Variants in NCOR2 observed in about 807,000 individuals in gnomAD.
The protein encoded by NCOR2 is nuclear receptor corepressor 2, also known as CTG repeat protein 26.
In NCOR2, 81 loss-of-function variants were observed where a neutral mutation model predicts 262.9. The observed-to-expected ratio is 0.31, with a 90% CI of 0.26 to 0.37. The LOEUF is 0.37. Among genes scored for constraint, NCOR2 ranks in the 10% least tolerant of loss-of-function variants. The pLI, the probability that NCOR2 is intolerant of heterozygous loss-of-function variation, is 1.00. For missense variants in NCOR2, 3,385 were observed against 3,621.4 expected, an observed-to-expected ratio of 0.93 and a Z score of 1.68; for synonymous variants, 1,659 against 1,559.3, an observed-to-expected ratio of 1.06 and a Z score of -1.51.
At chr12:124,486,728 C>T (rs528010651) in intron 1 of NCOR2, among the ~76,000 whole-genome samples, 160 bp from the exon 4 acceptor site, 1 of 152,352 alleles carries the variant, frequency 6.6e-6, no homozygotes, top group East Asian at 1.9e-4. Context: ...ACCGTCTGGC[C>T]AGAGGCTACC....
chr12:124,327,459 A>G (rs913895817), exon 45 of NCOR2: 1 of 1,613,170 alleles, frequency 6.2e-7, no homozygotes, highest in Non-Finnish European at 8.5e-7. Flanking sequence ...GGTTATGGGC[A>G]TAGCAGCGGG....
chr12:124,510,883 C>T (rs1009154447), intron 1 of NCOR2, among the ~76,000 whole-genome samples: 7 of 152,176 alleles, frequency 4.6e-5, no homozygotes, highest in Admixed American at 3.3e-4. Flanking sequence ...ACCTCCCTCA[C>T]GGCCCAGCTC....
intron 3 of NCOR2, among the ~76,000 whole-genome samples, chr12:124,479,781 G>A (rs1202792833): frequency 6.6e-6 from 1 of 152,256 alleles, no homozygotes; most frequent in African/African-American, 2.4e-5. Context: ...CCCCACCAGG[G>A]AGACCAGAGG....
chr12:124,325,158 T>G, exon 47 of NCOR2: 1 of 169,926 alleles, frequency 5.9e-6, no homozygotes, highest in Non-Finnish European at 1.2e-5. Context: ...TTCCCCTCCC[T>G]TCCCGAGCAC....
chr12:124,333,202 A>G lies in NCOR2; in HGVS notation c.6683T>C (p.Met2228Thr), dbSNP rs912699519. 5 of 1,613,034 alleles carry G rather than the reference A, an allele frequency of 3.1e-6. No homozygotes were observed. The highest frequency in any genetic ancestry group is 3.3e-4 in the Middle Eastern group (2 of 6,080). The change falls in exon 42 of 47, where the codon ATG (methionine) becomes ACG (threonine). Residue 2228 changes from methionine to threonine, a missense_variant. Transcript: ENST00000405201. ...ACTCCGGGAGTGCCCTGGCTCCGTC[A>G]TGCCCTCCGGTGGGGACACAGGTTC...
Position 124,566,582 on chromosome 12 carries a change from G to A in NCOR2, c.-165+726C>T, listed in dbSNP as rs753284566. On this transcript the variant is annotated intron_variant, in intron 1 of 32. Transcript: ENST00000458234. This position sits in a 1 kb window ranked among gnomAD's most constrained non-coding sequence, Gnocchi z 4.3. ...TCTGGGTCTTCCCAGTCGTGCCCAA[G>A]TGGGATCAGCTCTGAATTCCAACTT... Among the ~76,000 whole-genome samples, 3 of 152,262 alleles carry A rather than the reference G, an allele frequency of 2.0e-5. No individual in the cohort carries two copies. The highest frequency in any genetic ancestry group is 2.1e-4 in the South Asian group (1 of 4,834).
chr12:124,356,112 C>T (rs948851534), intron 23 of NCOR2, among the ~76,000 whole-genome samples: 2 of 152,216 alleles, frequency 1.3e-5, no homozygotes, highest in Non-Finnish European at 2.9e-5. Flanking sequence ...TGGGCTTTTG[C>T]ACTTGCTGTT....
chr12:124,394,498 AAAAAGGATGTTTG>A (rs549905783), intron 16 of NCOR2, among the ~76,000 whole-genome samples: 10 of 152,250 alleles, frequency 6.6e-5, no homozygotes, highest in Non-Finnish European at 1.5e-4. Context: ...CCTTATTTGG[AAAAAGGATGTTTG>A]CAGATGTGAT....
chr12:124,338,899 C>G (rs2036135046), intron 37 of NCOR2, among the ~76,000 whole-genome samples: 1 of 150,482 alleles, frequency 6.6e-6, no homozygotes, highest in African/African-American at 2.4e-5. Flanking sequence ...CTAACCCTAC[C>G]ACCCACCCAT....
chr12:124,384,645 C>A (rs1204567687), intron 17 of NCOR2, among the ~76,000 whole-genome samples: 6 of 152,194 alleles, frequency 3.9e-5, no homozygotes, highest in Non-Finnish European at 8.8e-5. Context: ...CAGGGGGAGG[C>A]TATACCTGGT....
chr12:124,446,167 T>C (rs1427874300), intron 7 of NCOR2, among the ~76,000 whole-genome samples: 2 of 152,174 alleles, frequency 1.3e-5, no homozygotes, highest in African/African-American at 4.8e-5. Flanking sequence ...GGCAGCTTCC[T>C]GGGCACTGCA....
At chr12:124,394,018 C>T (rs1158706131) in intron 16 of NCOR2, among the ~76,000 whole-genome samples, 1 of 152,250 alleles carries the variant, frequency 6.6e-6, no homozygotes, top group Non-Finnish European at 1.5e-5. Flanking sequence ...GGTGACTTAC[C>T]TCCGACCCCC....
At chr12:124,544,447 G>A (rs1473043982) in intron 1 of NCOR2, among the ~76,000 whole-genome samples, 2 of 152,234 alleles carry the variant, frequency 1.3e-5, no homozygotes, top group East Asian at 3.9e-4. Flanking sequence ...TCCCTGGAGG[G>A]CGGGGGCACC....
intron 22 of NCOR2, among the ~76,000 whole-genome samples, chr12:124,359,334 G>A (rs944879908): frequency 2.0e-5 from 3 of 152,228 alleles, no homozygotes; most frequent in Non-Finnish European, 2.9e-5. Context: ...GGTTCTGAGG[G>A]CCCATCAGGG....
intron 20 of NCOR2, among the ~76,000 whole-genome samples, chr12:124,365,146 G>C (rs894147055): frequency 1.3e-5 from 2 of 152,218 alleles, no homozygotes; most frequent in African/African-American, 2.4e-5. Flanking sequence ...CTCTGTCCTA[G>C]GTCTTCCAAG....
intron 1 of NCOR2, among the ~76,000 whole-genome samples, chr12:124,543,654 G>A (rs1198387951): frequency 2.0e-5 from 3 of 152,234 alleles, no homozygotes; most frequent in Non-Finnish European, 4.4e-5. Context: ...GGAGCAATTA[G>A]AGGCCAGGAA....
At chr12:124,477,798 A>G (rs1486768634) in intron 3 of NCOR2, among the ~76,000 whole-genome samples, 6 of 151,950 alleles carry the variant, frequency 3.9e-5, no homozygotes, top group Admixed American at 3.9e-4. Context: ...AAAACAACAA[A>G]CTAATACACC....
chr12:124,340,237 G>A lies in NCOR2; in HGVS notation c.5489-33C>T, dbSNP rs374752632. On this transcript the variant is annotated intron_variant, in intron 36 of 46. Coordinates refer to ENST00000405201, the Ensembl canonical transcript of NCOR2. ...CAGTCAGTGGCATCAGCAGGGGGAG[G>A]CCTCTTGCGGCCCACAAGGAGTCCC... 255 of 1,605,440 alleles carry A rather than the reference G, an allele frequency of 1.6e-4. 1 individual carries two copies. Among genetic ancestry groups the A allele is most frequent in the Non-Finnish European group, 3.7e-5 (43 of 1,177,874 alleles).
At position 124,337,233 on chromosome 12, in the gene NCOR2, C is replaced by T. The variant is rs1376411714; in HGVS notation, c.5688-53G>A. On this transcript the variant is annotated intron_variant, in intron 37 of 46. Transcript: ENST00000405201. ...AGTCATGGGAGCTGCCCTCTTCCTC[C>T]ACCACCCTCGATGAGTCCCCATTGC... 4 of 1,532,340 alleles carry T rather than the reference C, an allele frequency of 2.6e-6. No homozygotes were observed. The South Asian group carries it at 3.6e-5, about 14-fold the overall frequency. The allele number at this position is 1,532,340 out of a possible 1,614,324, so 94.9% of individuals were successfully genotyped here.
Sources: allele counts gnomAD v4.1 joint callset (sites outside exome capture counted in the v4.1 genomes callset), GRCh38; gene constraint gnomAD v4.1.1; non-coding constraint Gnocchi (gnomAD v3.1); transcripts MANE v1.5; gene names NCBI Gene and HGNC (gene_info 2026-07-23, HGNC 2026-07-21).